The following TMEM87B variants were observed in gnomAD, a reference collection of about 807,000 sequenced individuals.
TMEM87B encodes transmembrane protein 87B.
In TMEM87B, 83 loss-of-function variants were observed where a neutral mutation model predicts 80.3. The observed-to-expected ratio is 1.03, with a 90% CI of 0.87 to 1.24. The LOEUF is 1.24. Ranked by LOEUF, TMEM87B falls within the 50% of genes most tolerant of loss-of-function variation. The pLI is 0.00. For synonymous variants in TMEM87B, 219 were observed against 230.5 expected, an observed-to-expected ratio of 0.95 and a Z score of 0.45; for missense variants, 625 against 674.4, an observed-to-expected ratio of 0.93 and a Z score of 0.81.
intron 16 of TMEM87B, among the ~76,000 whole-genome samples, chr2:112,107,450 A>C (rs974703813): frequency 6.6e-6 from 1 of 152,118 alleles, no homozygotes; most frequent in Non-Finnish European, 1.5e-5. Context: ...ATTAGGAGGC[A>C]TAATGAGTGT....
chr2:112,097,712 CAAAAAAA>C (rs68175814), intron 13 of TMEM87B, among the ~76,000 whole-genome samples: 2 of 57,244 alleles, frequency 3.5e-5, no homozygotes, highest in South Asian at 8.6e-4. Context: ...GACTCCATCT[CAAAAAAA>C]AAAAAAAAAA....
intron 1 of TMEM87B, among the ~76,000 whole-genome samples, chr2:112,055,985 C>T (rs1678043658): frequency 6.6e-6 from 1 of 152,204 alleles, no homozygotes; most frequent in African/African-American, 2.4e-5. Flanking sequence ...CATGGGACGG[C>T]CCTCGGGTCC....
chr2:112,061,987 C>T (rs915374212), intron 2 of TMEM87B, among the ~76,000 whole-genome samples: 7 of 152,184 alleles, frequency 4.6e-5, no homozygotes, highest in South Asian at 2.1e-4. Flanking sequence ...CCTTCTCATC[C>T]GTATTGGGCC....
chr2:112,064,000 T>C (rs1343731270), intron 2 of TMEM87B, among the ~76,000 whole-genome samples, 162 bp from the exon 3 acceptor site: 1 of 152,242 alleles, frequency 6.6e-6, no homozygotes, highest in East Asian at 1.9e-4. Flanking sequence ...ATTTAATGAA[T>C]TTATCTGTCT....
At chr2:112,067,308 A>T (rs1349882172) in intron 4 of TMEM87B, among the ~76,000 whole-genome samples, 2 of 152,210 alleles carry the variant, frequency 1.3e-5, no homozygotes, top group Non-Finnish European at 2.9e-5. Flanking sequence ...ATAGTAGTAC[A>T]TAATAAGTAA....
chr2:112,060,114 G>A (rs1243566778), intron 2 of TMEM87B, 77 bp downstream of exon 2: 30 of 1,361,288 alleles, frequency 2.2e-5, no homozygotes, highest in Non-Finnish European at 2.6e-5. Flanking sequence ...TTGGGAGGCC[G>A]AGGCAGGTGG....
In TMEM87B at chr2:112,066,914, CAT is replaced by C. The variant is rs956436140; in HGVS notation, c.319-20_319-19del. 4 of 1,544,600 alleles carry C rather than the reference CAT, an allele frequency of 2.6e-6. No homozygotes were observed. Among genetic ancestry groups the C allele is most frequent in the Non-Finnish European group, 3.5e-6 (4 of 1,149,622 alleles). On this transcript the variant is annotated intron_variant, in intron 3 of 18. Coordinates refer to ENST00000283206, the MANE Select transcript of TMEM87B (RefSeq NM_032824.3). Reference sequence around the variant, plus strand: ...TAAGAAGTGTGGGAATAAATTATAACATAGAATTTTACCTTATATAGGAGCTG... The same window carrying C: ...TAAGAAGTGTGGGAATAAATTATAACAGAATTTTACCTTATATAGGAGCTG...
rs572903207 is a variant in TMEM87B, at chr2:112,118,672, G to C, written c.*2529G>C. On this transcript the variant is annotated 3_prime_UTR_variant, in exon 19 of 19. Transcript: ENST00000283206. Reference sequence around the variant, plus strand: ...GATAGAATGTTCCCATATTTTTCTTGTAAAGAAAATAATATTTTAACTTAC... The same window carrying C: ...GATAGAATGTTCCCATATTTTTCTTCTAAAGAAAATAATATTTTAACTTAC... The C allele has an allele frequency of 6.6e-6, 1 of 151,954 alleles. No homozygotes were observed. The highest frequency in any genetic ancestry group is 1.5e-5 in the Non-Finnish European group (1 of 67,966). 9.4% of individuals were successfully genotyped at this position (151,954 alleles called of 1,614,324 possible).
intron 14 of TMEM87B, among the ~76,000 whole-genome samples, chr2:112,099,547 T>C (rs889676968): frequency 7.4e-5 from 9 of 121,828 alleles, no homozygotes; most frequent in African/African-American, 2.9e-4. Context: ...TATATATATA[T>C]ATATATATAC....
chr2:112,063,220 T>C (rs1678309913), intron 2 of TMEM87B, among the ~76,000 whole-genome samples: 1 of 152,258 alleles, frequency 6.6e-6, no homozygotes, highest in Non-Finnish European at 1.5e-5. Context: ...ACATCCCTTC[T>C]GAGGCTAAGT....
In TMEM87B at chr2:112,066,892, G is replaced by T. The variant is rs1402284086; in HGVS notation, c.319-44G>T. 15 of 1,487,280 alleles carry T rather than the reference G, an allele frequency of 1.0e-5. No homozygotes were observed. The Admixed American group carries it at 1.3e-4, about 12-fold the overall frequency. 92.1% of individuals were successfully genotyped at this position (1,487,280 alleles called of 1,614,324 possible). A position where few individuals can be genotyped will look rare whatever the true frequency, so the allele number is the denominator to read the frequency against. On this transcript the variant is annotated intron_variant, in intron 3 of 18. Transcript: ENST00000283206. ...AACTTTTATTTATATTCTAGGATAA[G>T]AAGTGTGGGAATAAATTATAACATA... is the stretch of plus-strand genomic sequence containing the variant.
intron 14 of TMEM87B, among the ~76,000 whole-genome samples, chr2:112,100,222 G>A (rs1482671698): frequency 6.6e-6 from 1 of 152,120 alleles, no homozygotes; most frequent in East Asian, 1.9e-4. Context: ...TATCACCCTA[G>A]GAAATGTGGC....
At chr2:112,101,340 A>G (rs1178157933) in intron 15 of TMEM87B, among the ~76,000 whole-genome samples, 2 of 152,194 alleles carry the variant, frequency 1.3e-5, no homozygotes, top group East Asian at 3.8e-4. Context: ...AATAGAAAAA[A>G]ATCATCAAAT....
chr2:112,058,393 G>T (rs1678147299), intron 1 of TMEM87B, among the ~76,000 whole-genome samples: 1 of 152,214 alleles, frequency 6.6e-6, no homozygotes, highest in Admixed American at 6.5e-5. Context: ...GGGTAGTGAG[G>T]AATGTTGTGG....
chr2:112,113,450 G>A (rs1201797535), intron 18 of TMEM87B, among the ~76,000 whole-genome samples: 1 of 152,206 alleles, frequency 6.6e-6, no homozygotes, highest in African/African-American at 2.4e-5. Flanking sequence ...AGGGAAGTTA[G>A]TGGTAGCTAA....
chr2:112,066,576 T>A (rs1052223036), intron 3 of TMEM87B, among the ~76,000 whole-genome samples: 1 of 152,240 alleles, frequency 6.6e-6, no homozygotes, highest in Non-Finnish European at 1.5e-5. Flanking sequence ...AATGCTACTT[T>A]CTTTCTCTGT....
chr2:112,077,268 G>A lies in TMEM87B; in HGVS notation c.578G>A (p.Ser193Asn), dbSNP rs781042961. 7 of 1,578,822 alleles carry A rather than the reference G, an allele frequency of 4.4e-6. No individual in the cohort carries two copies. Among genetic ancestry groups the A allele is most frequent in the Non-Finnish European group, 6.0e-6 (7 of 1,159,642 alleles). The change falls in exon 6 of 19, where the codon AGC (serine) becomes AAC (asparagine). Residue 193 changes from serine (S) to asparagine (N), a missense_variant. Ser to Asn is a conservative substitution (Grantham distance 46). Coordinates refer to ENST00000283206, the MANE Select transcript of TMEM87B (RefSeq NM_032824.3). ...VSIKTENTDA[S>N]WNLNVSLSMI... ...ATTAAAACGGAGAATACAGATGCAA[G>A]CTGGAATTTGAATGGTATAGTTAAA...
chr2:112,065,664 A>AAAAG (rs1558829423), intron 3 of TMEM87B, among the ~76,000 whole-genome samples: 1 of 149,962 alleles, frequency 6.7e-6, no homozygotes. Flanking sequence ...AAAAAAAAAA[A>AAAAG]AAGTTCACCA....
In TMEM87B at chr2:112,095,487, A is replaced by T. The variant is rs956542724; in HGVS notation, c.1105-1557A>T. The T allele has an allele frequency of 2.2e-4, 211 of 968,342 alleles. 1 individual carries two copies. The African/African-American group carries it at 3.4e-3, about 15-fold the overall frequency. 60.0% of individuals were successfully genotyped at this position (968,342 alleles called of 1,614,324 possible). A position where few individuals can be genotyped will look rare whatever the true frequency, so the allele number is the denominator to read the frequency against. On this transcript the variant is annotated intron_variant, in intron 11 of 18. Transcript: ENST00000283206. ...TTCCTTAGCTTAAAAACATTTTTTT[A>T]AAATTATTAAACCAGACCAGATTTT...
Sources: allele counts gnomAD v4.1 joint callset (sites outside exome capture counted in the v4.1 genomes callset), GRCh38; gene constraint gnomAD v4.1.1; transcripts MANE v1.5; gene names NCBI Gene and HGNC (gene_info 2026-07-23, HGNC 2026-07-21).